VWA8: variants seen among roughly 807,000 people sequenced by gnomAD.
The protein encoded by VWA8 is von Willebrand factor A domain containing 8.
VWA8 carries 221 observed loss-of-function variants against 241.5 expected under a neutral mutation model. The ratio of observed to expected loss-of-function variants is 0.91; its 90% CI spans 0.82 to 1.02. VWA8 has a LOEUF of 1.02. Among genes scored for constraint, VWA8 ranks in the 50% least tolerant of loss-of-function variants. VWA8 has a pLI of 0.00. For missense variants in VWA8, 2,322 were observed against 2,328.7 expected (o/e 1.00, Z 0.06); for synonymous variants, 852 against 827.1 (o/e 1.03, Z -0.52).
At chr13:41,730,796 G>C (rs2026890) in intron 22 of VWA8, among the ~76,000 whole-genome samples, 4 of 151,628 alleles carry the variant, frequency 2.6e-5, no homozygotes, top group African/African-American at 9.7e-5. Context: ...TCATAGGATG[G>C]TATATTTTAA....
At chr13:41,771,439 T>C (rs2045822444) in intron 20 of VWA8, among the ~76,000 whole-genome samples, 1 of 152,098 alleles carries the variant, frequency 6.6e-6, no homozygotes, top group South Asian at 2.1e-4. Context: ...ATAATTCTTA[T>C]GTAAGGATAC....
chr13:41,748,350 T>C (rs186080690), intron 21 of VWA8, among the ~76,000 whole-genome samples: 2,119 of 152,310 alleles, frequency 0.014, 46 homozygotes, highest in African/African-American at 0.048. Flanking sequence ...TCGAGGAATT[T>C]ATCCATTTCT....
At chr13:41,769,991 C>A (rs2045807214) in intron 20 of VWA8, among the ~76,000 whole-genome samples, 2 of 152,158 alleles carry the variant, frequency 1.3e-5, no homozygotes, top group Admixed American at 1.3e-4. Context: ...AATAAGATTA[C>A]TTCTTTTTTG....
At chr13:41,889,630 T>A (rs1874729025) in intron 5 of VWA8, among the ~76,000 whole-genome samples, 1 of 152,152 alleles carries the variant, frequency 6.6e-6, no homozygotes, top group Non-Finnish European at 1.5e-5. Context: ...CTGCCTGCCT[T>A]AGCCTCCCAA....
chr13:41,579,253 C>T (rs1050753795), intron 42 of VWA8, among the ~76,000 whole-genome samples: 2 of 152,122 alleles, frequency 1.3e-5, no homozygotes, highest in African/African-American at 4.8e-5. Flanking sequence ...ATAAATACAC[C>T]ATTCTCATTC....
intron 24 of VWA8, 75 bp downstream of exon 24, chr13:41,727,119 T>C (rs1311233548): frequency 8.5e-7 from 1 of 1,173,066 alleles, no homozygotes; most frequent in East Asian, 2.8e-5. Flanking sequence ...AAGCATTCAA[T>C]GACAGCCATT....
At chr13:41,891,131 G>A (rs527360768) in intron 5 of VWA8, among the ~76,000 whole-genome samples, 1 of 145,332 alleles carries the variant, frequency 6.9e-6, no homozygotes, top group South Asian at 2.2e-4. Context: ...AAGGAGATGG[G>A]AAAAGAGGAA....
At position 41,570,461 on chromosome 13, in the gene VWA8, C is replaced by CACTT. The variant is rs775574241; in HGVS notation, c.5609+3_5609+6dup. The CACTT allele has an allele frequency of 3.3e-5, 53 of 1,612,108 alleles. No individual in the cohort carries two copies. Among genetic ancestry groups the CACTT allele is most frequent in the African/African-American group, 8.0e-5 (6 of 74,868 alleles). ...TGCCCTTTTCTGTATGCTCAGATGA[C>CACTT]ACTTACCTGGTTGCTTGATCACCTA... On this transcript the variant is annotated splice_region_variant and intron_variant, in intron 44 of 44. Coordinates refer to ENST00000379310, the MANE Select transcript of VWA8 (RefSeq NM_015058.2).
chr13:41,832,563 G>GA (rs75772925), intron 13 of VWA8, among the ~76,000 whole-genome samples: 38 of 147,884 alleles, frequency 2.6e-4, no homozygotes, highest in Non-Finnish European at 2.7e-4. Context: ...ATCACATCAA[G>GA]AAAAAAAAAA....
chr13:41,834,113 AT>A (rs1231108596), intron 12 of VWA8, among the ~76,000 whole-genome samples: 1 of 152,272 alleles, frequency 6.6e-6, no homozygotes, highest in Non-Finnish European at 1.5e-5. Flanking sequence ...AGGTACAGGA[AT>A]TGGGAAACAA....
chr13:41,766,712 T>C (rs188016545), intron 20 of VWA8, among the ~76,000 whole-genome samples: 1 of 152,262 alleles, frequency 6.6e-6, no homozygotes, highest in East Asian at 1.9e-4. Context: ...CGTTGTTTTC[T>C]CTCCTTTAAC....
In VWA8 at chr13:41,856,748, T is replaced by C. The variant is rs992735775; in HGVS notation, c.1425+8988A>G. Among the ~76,000 whole-genome samples the C allele has an allele frequency of 1.7e-4, 26 of 151,190 alleles. No homozygotes were observed. In the Admixed American group the frequency reaches 1.7e-3, roughly 10 times the overall value. On this transcript the variant is annotated intron_variant, in intron 12 of 44. Coordinates refer to ENST00000379310, the MANE Select transcript of VWA8 (RefSeq NM_015058.2). The stretch of plus-strand genomic sequence containing the variant: ...CTGAGGTGGGAGGATGGTTTGAGCC[T>C]GGAAGGCGGAGGTTGCAGCAAGCTA...
chr13:41,936,417 A>G (rs542224287), intron 2 of VWA8, among the ~76,000 whole-genome samples: 2 of 152,274 alleles, frequency 1.3e-5, no homozygotes, highest in South Asian at 2.1e-4. Flanking sequence ...AGATACTTGT[A>G]TATTAAGTGA....
intron 2 of VWA8, among the ~76,000 whole-genome samples, chr13:41,938,219 G>A (rs947323972): frequency 6.6e-6 from 1 of 151,680 alleles, no homozygotes; most frequent in African/African-American, 2.4e-5. Context: ...TCTTGAATAT[G>A]GTGCCTGGGA....
chr13:41,914,920 T>C (rs1876181386), intron 2 of VWA8, among the ~76,000 whole-genome samples: 1 of 152,222 alleles, frequency 6.6e-6, no homozygotes, highest in African/African-American at 2.4e-5. Flanking sequence ...GGAGTCTCAA[T>C]TTAGTTCTAT....
At chr13:41,898,716 C>G (rs1320609057) in intron 4 of VWA8, among the ~76,000 whole-genome samples, 2 of 152,198 alleles carry the variant, frequency 1.3e-5, no homozygotes, top group African/African-American at 4.8e-5. Flanking sequence ...AGTCCCGAGG[C>G]CTGCCCCGCG....
chr13:41,738,272 C>T (rs1414066789), intron 21 of VWA8, among the ~76,000 whole-genome samples: 1 of 151,998 alleles, frequency 6.6e-6, no homozygotes, highest in Non-Finnish European at 1.5e-5. Flanking sequence ...CTAACATGCT[C>T]AGATGCAAAA....
At chr13:41,573,486 A>AATAAATAAATAAATAAATAAAT (rs1555303591) in intron 43 of VWA8, among the ~76,000 whole-genome samples, 3 of 113,614 alleles carry the variant, frequency 2.6e-5, no homozygotes, top group African/African-American at 1.0e-4. Flanking sequence ...AAAAAAAAAA[A>AATAAATAAATAAATAAATAAAT]ATATATATAT....
At chr13:41,600,598 T>C (rs1222919998) in intron 40 of VWA8, among the ~76,000 whole-genome samples, 1 of 152,070 alleles carries the variant, frequency 6.6e-6, no homozygotes, top group African/African-American at 2.4e-5. Context: ...CATGAAACCC[T>C]ATCTAGTCCT....
Sources: gnomAD v4.1 joint callset for allele counts (sites outside exome capture counted in the v4.1 genomes callset) on GRCh38, gnomAD v4.1.1 for gene constraint, MANE v1.5 for transcripts, NCBI Gene and HGNC (gene_info 2026-07-23, HGNC 2026-07-21) for gene names.